The following MYO10 variants were observed in gnomAD, a reference collection of about 807,000 sequenced individuals.
MYO10 encodes the protein unconventional myosin-X.
A neutral mutation model predicts 257.3 loss-of-function variants in MYO10; 133 were observed. That is an observed-to-expected ratio of 0.52 (90% CI 0.45 to 0.60). MYO10 has a LOEUF of 0.60. Ranked by LOEUF, MYO10 falls within the 20% of genes least tolerant of loss-of-function variation. The pLI is 0.00. For missense variants in MYO10, 2,399 were observed against 2,635.7 expected (o/e 0.91, Z 1.97); for synonymous variants, 1,104 against 1,028.6 (o/e 1.07, Z -1.40).
intron 2 of MYO10, among the ~76,000 whole-genome samples, chr5:16,833,396 T>C (rs924709905): frequency 2.0e-5 from 3 of 152,012 alleles, no homozygotes; most frequent in Non-Finnish European, 2.9e-5. Context: ...GTATTATTAG[T>C]AGAGACGAGG....
chr5:16,896,069 T>C (rs967978224), intron 1 of MYO10, among the ~76,000 whole-genome samples: 7 of 152,060 alleles, frequency 4.6e-5, no homozygotes, highest in African/African-American at 1.7e-4. Flanking sequence ...GGAGTCCTTC[T>C]CTCCTTCTTA....
At chr5:16,769,391 G>C (rs1254978837) in intron 9 of MYO10, among the ~76,000 whole-genome samples, 188 bp from the exon 10 acceptor site, 1 of 152,186 alleles carries the variant, frequency 6.6e-6, no homozygotes, top group Non-Finnish European at 1.5e-5. Flanking sequence ...CTGGAGTGCA[G>C]TGGCACGATC....
At chr5:16,929,211 C>T (rs904237637) in intron 1 of MYO10, among the ~76,000 whole-genome samples, 7 of 151,972 alleles carry the variant, frequency 4.6e-5, no homozygotes, top group African/African-American at 1.7e-4. Flanking sequence ...CCTCGGCCTC[C>T]CAAAGTGCTG....
intron 4 of MYO10, among the ~76,000 whole-genome samples, chr5:16,785,513 A>T (rs6877202): frequency 0.7 from 107,009 of 152,184 alleles, 39,181 homozygotes; most frequent in Non-Finnish European, 0.82. Flanking sequence ...TGTGTTCCTC[A>T]ACCTACCTCT....
chr5:16,880,172 C>G (rs1744716858), intron 1 of MYO10, among the ~76,000 whole-genome samples: 1 of 127,136 alleles, frequency 7.9e-6, no homozygotes, highest in Admixed American at 8.7e-5. Flanking sequence ...AGAGTAAACT[C>G]TATCTCAAAA....
In MYO10 at chr5:16,710,994, G is replaced by A; in HGVS notation, c.2083C>T (p.Leu695=). 6.2e-7 allele frequency: 1 copy of A among 1,613,952 alleles called. No individual in the cohort carries two copies. The highest frequency in any genetic ancestry group is 2.2e-5 in the East Asian group (1 of 44,864). ...RYKVLMRNLA[L]PEDVRGKCTS... ...CACTTCCCTCGGACGTCCTCAGGCAGAGCCAGATTCCTCATCAGCACTTTA... is the reference window on the plus strand; with the variant it reads ...CACTTCCCTCGGACGTCCTCAGGCAAAGCCAGATTCCTCATCAGCACTTTA... Residue 695 remains leucine, a synonymous_variant, in exon 21 of 41, where the codon CTG becomes TTG. Transcript: ENST00000513610.
In MYO10 at chr5:16,794,800, G is replaced by C; in HGVS notation, c.313C>G (p.Pro105Ala). The change falls in exon 4 of 41, where the codon CCC (proline) becomes GCC (alanine). Residue 105 changes from proline (P) to alanine (A), a missense_variant. Physicochemically the swap from Pro to Ala is conservative, Grantham distance 27. Transcript: ENST00000513610. ...TACAGCCCGGCGATGGGCTGGTAGG[G>C]GTTCACGGAGGCCAGGATGGAGCCG... ...YIGSILASVN[P>A]YQPIAGLYEP... The C allele has an allele frequency of 2.5e-6, 4 of 1,588,234 alleles. No individual in the cohort carries two copies. The highest frequency in any genetic ancestry group is 3.4e-6 in the Non-Finnish European group (4 of 1,166,962).
At chr5:16,769,031 G>C (rs184551442) in intron 10 of MYO10, 43 bp downstream of exon 10, 1 of 1,550,028 alleles carries the variant, frequency 6.5e-7, no homozygotes, top group Non-Finnish European at 8.7e-7. Context: ...AGTTTCCCAC[G>C]GGGAACAAAG....
chr5:16,672,188 G>C (rs763858928), intron 37 of MYO10, among the ~76,000 whole-genome samples: 1 of 151,590 alleles, frequency 6.6e-6, no homozygotes, highest in East Asian at 1.9e-4. Context: ...CCAGCTACTC[G>C]GGAGTCTGAG....
chr5:16,919,703 G>A (rs564127187), intron 1 of MYO10, among the ~76,000 whole-genome samples: 100 of 152,276 alleles, frequency 6.6e-4, no homozygotes, highest in Non-Finnish European at 1.1e-3. Flanking sequence ...CAGGCCGGGC[G>A]CAGTGGTTCA....
At chr5:16,689,782 G>A in intron 28 of MYO10, 42 bp downstream of exon 28, 1 of 1,476,298 alleles carries the variant, frequency 6.8e-7, no homozygotes, top group Middle Eastern at 1.8e-4. Context: ...GTGCATGAGG[G>A]AGCAGGATGT....
intron 2 of MYO10, among the ~76,000 whole-genome samples, chr5:16,853,645 G>A (rs924475716): frequency 1.3e-5 from 2 of 152,144 alleles, no homozygotes; most frequent in African/African-American, 4.8e-5. Flanking sequence ...CAAGAGGCCA[G>A]CTATTTATTG....
At chr5:16,799,899 G>A (rs1010031877) in intron 3 of MYO10, among the ~76,000 whole-genome samples, 1 of 152,084 alleles carries the variant, frequency 6.6e-6, no homozygotes, top group Non-Finnish European at 1.5e-5. Flanking sequence ...AAAAGGCATC[G>A]GGATACTCTC....
rs569560889 is a variant in MYO10, at chr5:16,807,734, C to T, written c.279+10275G>A. 6.6e-5 allele frequency among the ~76,000 whole-genome samples: 10 copies of T among 152,214 alleles called. No homozygotes were observed. In the East Asian group the frequency reaches 1.9e-3, roughly 29 times the overall value. On this transcript the variant is annotated intron_variant, in intron 3 of 40. Coordinates refer to ENST00000513610, the MANE Select transcript of MYO10 (RefSeq NM_012334.3). The stretch of plus-strand genomic sequence containing the variant: ...CCAGGACAGCTATCCTCCTTCTTGG[C>T]CAAATTCCTCTACATATGCTCAAAA...
At chr5:16,709,945 C>G (rs958648281) in intron 21 of MYO10, among the ~76,000 whole-genome samples, 2 of 152,194 alleles carry the variant, frequency 1.3e-5, no homozygotes, top group African/African-American at 2.4e-5. Flanking sequence ...GGAGGTGAAG[C>G]CTAAGTACTT....
chr5:16,681,549 C>A (rs1737002335), intron 31 of MYO10, 46 bp from the exon 32 acceptor site: 2 of 1,514,506 alleles, frequency 1.3e-6, no homozygotes, highest in Non-Finnish European at 1.8e-6. Context: ...TGAGGAGAAA[C>A]CCCAAAGACC....
At position 16,701,323 on chromosome 5, in the gene MYO10, C is replaced by T. The variant is rs772713681; in HGVS notation, c.3072G>A (p.Arg1024=). Residue 1024 remains arginine, a synonymous_variant, in exon 25 of 41, where the codon CGG becomes CGA. Coordinates refer to ENST00000513610, the MANE Select transcript of MYO10 (RefSeq NM_012334.3). The surrounding 1 kb of genome is among the most constrained non-coding windows in gnomAD (Gnocchi z 8.1). Reference sequence around the variant, plus strand: ...CCTCCTCTGAAGAGTCATCGCTGGTCCGGATGCCACTTGTTCGCTGGTCTG... The same window carrying T: ...CCTCCTCTGAAGAGTCATCGCTGGTTCGGATGCCACTTGTTCGCTGGTCTG... ...GHSDQRTSGI[R]TSDDSSEEDP... The T allele has an allele frequency of 4.2e-5, 67 of 1,613,814 alleles. No homozygotes were observed. The highest frequency in any genetic ancestry group is 5.5e-5 in the Non-Finnish European group (65 of 1,179,776).
chr5:16,722,414 T>G (rs1363931068), intron 19 of MYO10, among the ~76,000 whole-genome samples: 2 of 152,214 alleles, frequency 1.3e-5, no homozygotes, highest in Admixed American at 6.5e-5. Flanking sequence ...ATGAACAAAA[T>G]TGTGCTTCTG....
At position 16,846,643 on chromosome 5, in the gene MYO10, C is replaced by T. The variant is rs75205848; in HGVS notation, c.121-28476G>A. Among the ~76,000 whole-genome samples, 10 of 152,316 alleles carry T rather than the reference C, an allele frequency of 6.6e-5. No individual in the cohort carries two copies. The East Asian group carries it at 9.6e-4, about 15-fold the overall frequency. On this transcript the variant is annotated intron_variant, in intron 2 of 40. Coordinates refer to ENST00000513610, the MANE Select transcript of MYO10 (RefSeq NM_012334.3). ...GGTAGCAAAAGGTGGGAAAGGTCAT[C>T]ATCATCGTTGTGCAGGGACTGCCTT...
Sources: gnomAD v4.1 joint callset for allele counts (sites outside exome capture counted in the v4.1 genomes callset) on GRCh38, gnomAD v4.1.1 for gene constraint, Gnocchi (gnomAD v3.1) non-coding constraint, MANE v1.5 for transcripts, NCBI Gene and HGNC (gene_info 2026-07-23, HGNC 2026-07-21) for gene names.